Variants in ERC2 observed in about 807,000 individuals in gnomAD.
ERC2 encodes the protein ELKS/RAB6-interacting/CAST family member 2, also known as ERC protein 2.
In ERC2, 42 loss-of-function variants were observed where a neutral mutation model predicts 114.8. The observed-to-expected ratio is 0.37, with a 90% CI of 0.29 to 0.47. The LOEUF is 0.47. Among genes scored for constraint, ERC2 ranks in the 20% least tolerant of loss-of-function variants. The probability of loss-of-function intolerance (pLI) is 0.99; values close to 1 mark genes in which losing one functional copy is unlikely to be tolerated. For missense variants in ERC2, 939 were observed against 1,150.7 expected, an observed-to-expected ratio of 0.82 and a Z score of 2.66; for synonymous variants, 454 against 425.5, an observed-to-expected ratio of 1.07 and a Z score of -0.82.
At chr3:56,408,231 C>T (rs962328907) in intron 2 of ERC2, among the ~76,000 whole-genome samples, 1 of 152,146 alleles carries the variant, frequency 6.6e-6, no homozygotes, top group Non-Finnish European at 1.5e-5. Flanking sequence ...TGCCTTCCTC[C>T]GTGCTGGGCT....
At chr3:56,336,223 C>T (rs1435519008) in intron 2 of ERC2, among the ~76,000 whole-genome samples, 1 of 152,296 alleles carries the variant, frequency 6.6e-6, no homozygotes, top group Admixed American at 6.5e-5. Flanking sequence ...GTTACTTAAC[C>T]TCTCTGTGCT....
chr3:55,626,833 C>G (rs1014103070), intron 17 of ERC2, among the ~76,000 whole-genome samples: 1 of 152,230 alleles, frequency 6.6e-6, no homozygotes. Flanking sequence ...ACGTTCAGAG[C>G]CAGGTGACCC....
intron 3 of ERC2, among the ~76,000 whole-genome samples, chr3:56,270,087 T>C (rs574603218): frequency 6.6e-6 from 1 of 150,548 alleles, no homozygotes; most frequent in Non-Finnish European, 1.5e-5. Context: ...AAATAGACCA[T>C]AAAATGTGTG....
chr3:55,809,557 T>C (rs960150030), intron 14 of ERC2, among the ~76,000 whole-genome samples: 5 of 151,904 alleles, frequency 3.3e-5, no homozygotes, highest in African/African-American at 1.2e-4. Context: ...AACAACTCAA[T>C]AGCATAAAAA....
intron 17 of ERC2, among the ~76,000 whole-genome samples, chr3:55,550,786 G>A (rs1460263637): frequency 6.6e-6 from 1 of 152,192 alleles, no homozygotes; most frequent in Non-Finnish European, 1.5e-5. Flanking sequence ...GGAGGCCAAG[G>A]CGGGCAGATC....
intron 17 of ERC2, among the ~76,000 whole-genome samples, chr3:55,578,259 C>G (rs1421173832): frequency 1.2e-4 from 18 of 152,244 alleles, no homozygotes. Context: ...TCTCCCAGCA[C>G]TTGTACCAAA....
chr3:55,738,179 C>A (rs1042030633), intron 14 of ERC2, among the ~76,000 whole-genome samples: 4 of 152,010 alleles, frequency 2.6e-5, no homozygotes, highest in Non-Finnish European at 5.9e-5. Flanking sequence ...TGTTAGGATG[C>A]CAGTAGGGAA....
intron 17 of ERC2, among the ~76,000 whole-genome samples, chr3:55,625,249 C>T (rs905868253): frequency 6.6e-6 from 1 of 151,710 alleles, no homozygotes; most frequent in Non-Finnish European, 1.5e-5. Flanking sequence ...TGCCTGTAAT[C>T]CCAGCTACTT....
At chr3:55,764,897 T>C (rs974131955) in intron 14 of ERC2, among the ~76,000 whole-genome samples, 1 of 152,166 alleles carries the variant, frequency 6.6e-6, no homozygotes, top group African/African-American at 2.4e-5. Flanking sequence ...TATGCAGTGG[T>C]GAGGCTCATT....
intron 3 of ERC2, among the ~76,000 whole-genome samples, chr3:56,276,474 A>AAAAAAAAAAAAAAAAAAAAAAAAC (rs1446116012): frequency 5.4e-5 from 8 of 147,118 alleles, no homozygotes; most frequent in Non-Finnish European, 6.1e-5. Context: ...AAAAAAAAAA[A>AAAAAAAAAAAAAAAAAAAAAAAAC]AAACAAACTC....
intron 2 of ERC2, among the ~76,000 whole-genome samples, chr3:56,360,061 C>CTTTTTTTTT (rs5849149): frequency 2.0e-5 from 2 of 99,166 alleles, no homozygotes; most frequent in Non-Finnish European, 3.7e-5. Context: ...TAACAAAAAT[C>CTTTTTTTTT]TTTTTTTTTT....
intron 3 of ERC2, among the ~76,000 whole-genome samples, chr3:56,183,531 G>A (rs755290064): frequency 5.3e-5 from 8 of 152,164 alleles, no homozygotes; most frequent in Non-Finnish European, 1.2e-4. Context: ...TAGTGTTCCC[G>A]ACAGCACATT....
At chr3:55,896,332 TA>T (rs1283460081) in intron 13 of ERC2, among the ~76,000 whole-genome samples, 8 of 152,220 alleles carry the variant, frequency 5.3e-5, no homozygotes, top group African/African-American at 1.9e-4. Context: ...CTGGCCTCCC[TA>T]AGGCAAGCAA....
At chr3:55,988,616 T>C (rs1251531221) in intron 11 of ERC2, among the ~76,000 whole-genome samples, 1 of 152,230 alleles carries the variant, frequency 6.6e-6, no homozygotes. Flanking sequence ...CTGTACCTTT[T>C]GTTGCATACA....
intron 7 of ERC2, among the ~76,000 whole-genome samples, chr3:56,077,550 T>A (rs1309306099): frequency 6.6e-6 from 1 of 152,202 alleles, no homozygotes; most frequent in Non-Finnish European, 1.5e-5. Context: ...GCAAAAGTGG[T>A]CATTTGTCAC....
intron 2 of ERC2, among the ~76,000 whole-genome samples, chr3:56,381,722 G>GA (rs1033362919): frequency 2.3e-5 from 3 of 128,842 alleles, no homozygotes; most frequent in African/African-American, 5.7e-5. Context: ...GAAAGGAAAA[G>GA]AAAAAAAATA....
At chr3:56,064,304 C>T (rs2076372505) in intron 7 of ERC2, among the ~76,000 whole-genome samples, 1 of 152,202 alleles carries the variant, frequency 6.6e-6, no homozygotes, top group African/African-American at 2.4e-5. Flanking sequence ...TCCCACCTGG[C>T]CACCCTTGTC....
At chr3:56,219,527 G>A (rs1994295) in intron 3 of ERC2, among the ~76,000 whole-genome samples, 73,322 of 151,632 alleles carry the variant, frequency 0.48, 18,216 homozygotes, top group East Asian at 0.73. Flanking sequence ...GGACACAAAC[G>A]TAAATCAAAT....
At chr3:56,096,585 T>A (rs1043619939) in intron 6 of ERC2, among the ~76,000 whole-genome samples, 1 of 152,232 alleles carries the variant, frequency 6.6e-6, no homozygotes, top group Non-Finnish European at 1.5e-5. Flanking sequence ...GATATTTATA[T>A]ACAAGGTAGG....
Sources: allele counts gnomAD v4.1 joint callset (sites outside exome capture counted in the v4.1 genomes callset), GRCh38; gene constraint gnomAD v4.1.1; transcripts MANE v1.5; gene names NCBI Gene and HGNC (gene_info 2026-07-23, HGNC 2026-07-21).